CNTN5: variants seen among roughly 807,000 people sequenced by gnomAD.
The protein encoded by CNTN5 is contactin-5.
A neutral mutation model predicts 129.1 loss-of-function variants in CNTN5; 77 were observed. The ratio of observed to expected loss-of-function variants is 0.60; its 90% CI spans 0.50 to 0.72. The LOEUF (loss-of-function observed/expected upper bound fraction) is 0.72. Among genes scored for constraint, CNTN5 ranks in the 30% least tolerant of loss-of-function variants. The probability of loss-of-function intolerance (pLI) is 0.00; values close to 1 mark genes in which losing one functional copy is unlikely to be tolerated. For synonymous variants in CNTN5, 509 were observed against 465.6 expected, an observed-to-expected ratio of 1.09 and a Z score of -1.20; for missense variants, 1,478 against 1,328.8, an observed-to-expected ratio of 1.11 and a Z score of -1.75.
At chr11:100,056,749 G>A (rs1449171192) in intron 9 of CNTN5, among the ~76,000 whole-genome samples, 1 of 151,576 alleles carries the variant, frequency 6.6e-6, no homozygotes, top group Non-Finnish European at 1.5e-5. Context: ...TCTGGGGAGT[G>A]AGGGGAGGAG....
At position 99,478,620 on chromosome 11, in the gene CNTN5, G is replaced by C. The variant is rs1278669746; in HGVS notation, c.-70-77525G>C. On this transcript the variant is annotated intron_variant, in intron 2 of 24. Coordinates refer to ENST00000524871, the MANE Select transcript of CNTN5 (RefSeq NM_014361.4). ...TTTTCTCTTTCCCCCTCTCCAAATAGGCTCTTTCAACAATGTGGATATATG... is the reference window on the plus strand; with the variant it reads ...TTTTCTCTTTCCCCCTCTCCAAATACGCTCTTTCAACAATGTGGATATATG... Among the ~76,000 whole-genome samples, 12 of 151,952 alleles carry C rather than the reference G, an allele frequency of 7.9e-5. No homozygotes were observed. The South Asian group carries it at 2.5e-3, about 32-fold the overall frequency.
At chr11:99,499,355 C>A (rs909877274) in intron 2 of CNTN5, among the ~76,000 whole-genome samples, 7 of 152,034 alleles carry the variant, frequency 4.6e-5, no homozygotes, top group Non-Finnish European at 1.0e-4. Context: ...GGACTTCTCC[C>A]TCATGAATAA....
chr11:100,129,657 G>C (rs989800873), intron 13 of CNTN5, among the ~76,000 whole-genome samples: 1 of 152,086 alleles, frequency 6.6e-6, no homozygotes, highest in Non-Finnish European at 1.5e-5. Flanking sequence ...AAATTGACCA[G>C]TATGAAATAT....
chr11:99,491,094 G>T (rs973879537), intron 2 of CNTN5, among the ~76,000 whole-genome samples: 1 of 152,082 alleles, frequency 6.6e-6, no homozygotes, highest in African/African-American at 2.4e-5. Context: ...TGTAATCTGG[G>T]GTCTCCATAG....
At chr11:99,993,848 C>T (rs1939279725) in intron 8 of CNTN5, among the ~76,000 whole-genome samples, 1 of 152,162 alleles carries the variant, frequency 6.6e-6, no homozygotes, top group African/African-American at 2.4e-5. Flanking sequence ...GGCAAGATGT[C>T]TAAAAAGCTT....
At position 99,570,133 on chromosome 11, in the gene CNTN5, A is replaced by G. The variant is rs921186820; in HGVS notation, c.55+13864A>G. 2.6e-5 allele frequency among the ~76,000 whole-genome samples: 3 copies of G among 115,234 alleles called. No homozygotes were observed. The South Asian group carries it at 9.7e-4, about 37-fold the overall frequency. The allele number at this position is 115,234 out of a possible 152,430, so 75.6% of individuals were successfully genotyped here. A position where few individuals can be genotyped will look rare whatever the true frequency, so the allele number is the denominator to read the frequency against. ...TTCAAGAGGTTCTAAAGGTTACTTT[A>G]AAAAAAAAAAAAAAGAAGAAAAGAA... is the stretch of plus-strand genomic sequence containing the variant. On this transcript the variant is annotated intron_variant, in intron 3 of 24. Coordinates refer to ENST00000524871, the MANE Select transcript of CNTN5 (RefSeq NM_014361.4).
intron 9 of CNTN5, among the ~76,000 whole-genome samples, chr11:100,024,571 T>C (rs912047066): frequency 7.2e-5 from 11 of 152,144 alleles, no homozygotes; most frequent in African/African-American, 1.9e-4. Flanking sequence ...CAGAGACTTA[T>C]TGAATGGCTT....
intron 2 of CNTN5, among the ~76,000 whole-genome samples, chr11:99,402,203 A>G (rs1941848193): frequency 1.3e-5 from 2 of 152,132 alleles, no homozygotes; most frequent in South Asian, 4.1e-4. Context: ...CTAGCTGTAA[A>G]TCTGTCCTAT....
chr11:99,058,650 C>T (rs751142054), intron 1 of CNTN5, among the ~76,000 whole-genome samples: 2 of 151,872 alleles, frequency 1.3e-5, no homozygotes, highest in African/African-American at 4.8e-5. Flanking sequence ...CTGCTCTTCC[C>T]ACAGTTCCTC....
intron 3 of CNTN5, among the ~76,000 whole-genome samples, chr11:99,738,250 A>T (rs748608193): frequency 6.6e-6 from 1 of 152,262 alleles, no homozygotes; most frequent in East Asian, 1.9e-4. Flanking sequence ...TCTGACTGGT[A>T]TCTTATAAGA....
At chr11:99,503,620 C>T (rs972839602) in intron 2 of CNTN5, among the ~76,000 whole-genome samples, 1 of 152,078 alleles carries the variant, frequency 6.6e-6, no homozygotes, top group Non-Finnish European at 1.5e-5. Flanking sequence ...TGTTGGACTG[C>T]AAAGTACTGA....
At chr11:99,791,543 G>A (rs1316302061) in intron 3 of CNTN5, among the ~76,000 whole-genome samples, 2 of 151,818 alleles carry the variant, frequency 1.3e-5, no homozygotes, top group Non-Finnish European at 2.9e-5. Flanking sequence ...TTGAAGTTGG[G>A]TCACGTGATG....
intron 8 of CNTN5, among the ~76,000 whole-genome samples, chr11:99,976,468 G>A (rs759204734): frequency 1.3e-5 from 2 of 152,130 alleles, no homozygotes; most frequent in African/African-American, 2.4e-5. Flanking sequence ...CCACCCCTGC[G>A]TCAGACATCT....
chr11:99,289,883 A>G (rs975953478), intron 1 of CNTN5, among the ~76,000 whole-genome samples: 21 of 152,002 alleles, frequency 1.4e-4, no homozygotes, highest in African/African-American at 4.1e-4. Flanking sequence ...TTCTACAGTC[A>G]TCTTGGCTTA....
chr11:100,340,624 A>C lies in CNTN5; in HGVS notation c.2892A>C (p.Glu964Asp). 1 of 1,606,366 alleles carries C rather than the reference A, an allele frequency of 6.2e-7. No individual in the cohort carries two copies. The highest frequency in any genetic ancestry group is 8.5e-7 in the Non-Finnish European group (1 of 1,177,348). Reference sequence around the variant, plus strand: ...CTGGATATGGGCCACCTAGCAGTGAAGTGAGTGCAACCACCAAGAAATCCC... The same window carrying C: ...CTGGATATGGGCCACCTAGCAGTGACGTGAGTGCAACCACCAAGAAATCCC... ...NGAGYGPPSS[E>D]VSATTKKSPP... Residue 964 changes from glutamate to aspartate, a missense_variant, in exon 22 of 25, where the codon GAA (glutamate) becomes GAC (aspartate). Transcript: ENST00000524871.
chr11:99,192,330 G>C (rs2135595048), intron 1 of CNTN5, among the ~76,000 whole-genome samples: 1 of 151,862 alleles, frequency 6.6e-6, no homozygotes, highest in Middle Eastern at 3.4e-3. Flanking sequence ...TAATCACATT[G>C]AAATATTTAA....
chr11:100,072,408 T>C (rs1171712371), intron 12 of CNTN5, among the ~76,000 whole-genome samples: 1 of 152,214 alleles, frequency 6.6e-6, no homozygotes, highest in Non-Finnish European at 1.5e-5. Context: ...ACTGCATTTC[T>C]TCACTATTTA....
chr11:100,105,368 G>A (rs1438958590), intron 13 of CNTN5, among the ~76,000 whole-genome samples: 1 of 152,032 alleles, frequency 6.6e-6, no homozygotes, highest in Non-Finnish European at 1.5e-5. Flanking sequence ...TGTGGATAGA[G>A]GGATCTTGCT....
At chr11:99,229,528 C>A (rs372214305) in intron 1 of CNTN5, among the ~76,000 whole-genome samples, 1,836 of 112,914 alleles carry the variant, frequency 0.016, no homozygotes, top group Non-Finnish European at 0.019. Flanking sequence ...CAATTTTAGA[C>A]AAAAAAAAAA....
Sources: allele counts gnomAD v4.1 joint callset (sites outside exome capture counted in the v4.1 genomes callset), GRCh38; gene constraint gnomAD v4.1.1; transcripts MANE v1.5; gene names NCBI Gene and HGNC (gene_info 2026-07-23, HGNC 2026-07-21).